Variants in RYR3 observed in about 807,000 individuals in gnomAD.
RYR3 encodes ryanodine receptor 3.
Under a neutral mutation model 584.3 loss-of-function variants are expected in RYR3, and 207 were observed. The ratio of observed to expected loss-of-function variants is 0.35; its 90% confidence interval spans 0.32 to 0.40. The LOEUF is 0.40. Ranked by LOEUF, RYR3 falls within the 10% of genes least tolerant of loss-of-function variation. RYR3 has a pLI of 1.00. For synonymous variants in RYR3, 2,416 were observed against 2,248.5 expected (o/e 1.07, Z -2.11); for missense variants, 5,616 against 6,089.2 (o/e 0.92, Z 2.59).
intron 57 of RYR3, among the ~76,000 whole-genome samples, chr15:33,751,069 CT>C (rs1349205914): frequency 6.6e-6 from 1 of 152,104 alleles, no homozygotes; most frequent in East Asian, 1.9e-4. Context: ...TGAACTCATC[CT>C]TTTTTATGGC....
intron 32 of RYR3, 82 bp downstream of exon 32, chr15:33,652,965 A>G (rs1490258470): frequency 2.9e-6 from 4 of 1,397,988 alleles, no homozygotes; most frequent in Non-Finnish European, 3.9e-6. Context: ...CGTACTCAGC[A>G]TTCCTGCCAC....
Position 33,550,359 on chromosome 15 carries a change from A to G in RYR3, c.972+43A>G, listed in dbSNP as rs535804676. 4.1e-4 allele frequency: 635 copies of G among 1,563,862 alleles called. 1 individual carries two copies. The highest frequency in any genetic ancestry group is 5.1e-4 in the Non-Finnish European group (588 of 1,154,606). ...GGACTTTGACCCTGTTCTAAAAGTG[A>G]AAACTCAGAAACCTCCAGGCAGAAC... is the stretch of plus-strand genomic sequence containing the variant. On this transcript the variant is annotated intron_variant, in intron 10 of 103. Transcript: ENST00000634891.
intron 19 of RYR3, among the ~76,000 whole-genome samples, chr15:33,615,258 C>T (rs529329402): frequency 2.6e-5 from 4 of 152,258 alleles, no homozygotes; most frequent in African/African-American, 9.6e-5. Context: ...ACAAAGAAAC[C>T]ATTTCAGGGA....
intron 102 of RYR3, among the ~76,000 whole-genome samples, chr15:33,863,410 G>T (rs1345061009): frequency 6.6e-6 from 1 of 152,050 alleles, no homozygotes; most frequent in African/African-American, 2.4e-5. Context: ...CAAGATCTGG[G>T]GCTTAGACTC....
chr15:33,676,921 A>G (rs2064219919), intron 38 of RYR3, among the ~76,000 whole-genome samples: 1 of 152,196 alleles, frequency 6.6e-6, no homozygotes, highest in African/African-American at 2.4e-5. Flanking sequence ...GTGATGGGGA[A>G]GAGAGTTTGG....
chr15:33,453,062 GGT>G (rs1491157293), intron 1 of RYR3, among the ~76,000 whole-genome samples: 1 of 151,878 alleles, frequency 6.6e-6, no homozygotes, highest in Non-Finnish European at 1.5e-5. Flanking sequence ...TTGAAACTAG[GGT>G]TTTTTTCCTT....
At chr15:33,400,364 C>G (rs1037223545) in intron 1 of RYR3, among the ~76,000 whole-genome samples, 4 of 152,170 alleles carry the variant, frequency 2.6e-5, no homozygotes, top group African/African-American at 9.6e-5. Flanking sequence ...AGATGGACTC[C>G]TTCCCCCCGC....
chr15:33,651,945 A>T (rs572888043), intron 31 of RYR3, among the ~76,000 whole-genome samples: 1 of 152,218 alleles, frequency 6.6e-6, no homozygotes, highest in Non-Finnish European at 1.5e-5. Flanking sequence ...GCCACTGCAC[A>T]TCTCCACAGC....
chr15:33,647,587 C>A, intron 30 of RYR3, 127 bp downstream of exon 30: 1 of 661,552 alleles, frequency 1.5e-6, no homozygotes, highest in Non-Finnish European at 2.7e-6. Context: ...CTTTTAATAT[C>A]CATCTTGATG....
chr15:33,767,455 C>G (rs1431302110), intron 60 of RYR3, among the ~76,000 whole-genome samples: 1 of 152,176 alleles, frequency 6.6e-6, no homozygotes, highest in African/African-American at 2.4e-5. Flanking sequence ...CACTGCAAGA[C>G]CAATTAACTA....
At chr15:33,361,409 C>T (rs1470733480) in intron 1 of RYR3, among the ~76,000 whole-genome samples, 1 of 152,126 alleles carries the variant, frequency 6.6e-6, no homozygotes, top group African/African-American at 2.4e-5. Context: ...ATGCATGGGC[C>T]GTCTCCATTT....
intron 2 of RYR3, among the ~76,000 whole-genome samples, chr15:33,484,413 A>G (rs1028295622): frequency 6.6e-6 from 1 of 152,128 alleles, no homozygotes. Context: ...TCTCTAATAG[A>G]TGGCACTACT....
rs771461103 is a variant in RYR3 at position 33,696,207 on chromosome 15, TGTC to T, written c.5861-10_5861-8del. On this transcript the variant is annotated splice_region_variant and splice_polypyrimidine_tract_variant and intron_variant, in intron 38 of 103. Transcript: ENST00000634891. ...CAGCCACAGTCCTGCTCCCTCCTGT[TGTC>T]CTTCCAGCAACATTGAAGGAACTCA... The T allele has an allele frequency of 1.8e-5, 29 of 1,611,066 alleles. No homozygotes were observed. The highest frequency in any genetic ancestry group is 2.2e-5 in the Non-Finnish European group (26 of 1,178,094).
At chr15:33,854,294 T>G in intron 96 of RYR3, 95 bp from the exon 97 acceptor site, 1 of 948,460 alleles carries the variant, frequency 1.1e-6, no homozygotes. Context: ...TTTAGGTTAT[T>G]AAACCTGAGA....
rs186573471 is a variant in RYR3, at chr15:33,682,813, A to G, written c.5860+12257A>G. On this transcript the variant is annotated intron_variant, in intron 38 of 103. Coordinates refer to ENST00000634891, the MANE Select transcript of RYR3 (RefSeq NM_001036.6). The stretch of plus-strand genomic sequence containing the variant: ...AGTGCATAAAAATCCTAGAGATGCA[A>G]CAAGGTCTGCTGAGGCGTCCTTACT... Among the ~76,000 whole-genome samples, 302 of 152,272 alleles carry G rather than the reference A, an allele frequency of 2.0e-3. 2 individuals are homozygous for G. Among genetic ancestry groups the G allele is most frequent in the African/African-American group, 6.9e-3 (285 of 41,536 alleles).
chr15:33,581,368 C>G (rs543409292), intron 13 of RYR3, 140 bp from the exon 14 acceptor site: 1 of 822,912 alleles, frequency 1.2e-6, no homozygotes, highest in African/African-American at 1.7e-5. Flanking sequence ...AAAAAACAAA[C>G]CCAACTGGCA....
At chr15:33,518,473 C>T (rs1464009550) in intron 3 of RYR3, among the ~76,000 whole-genome samples, 4 of 152,074 alleles carry the variant, frequency 2.6e-5, no homozygotes. Context: ...CCCCTCCTCT[C>T]GCAGGAGCTC....
intron 17 of RYR3, 142 bp downstream of exon 17, chr15:33,601,694 C>A: frequency 1.2e-6 from 1 of 820,454 alleles, no homozygotes. Flanking sequence ...CAAGACCAAG[C>A]AAATGTGCAT....
intron 1 of RYR3, among the ~76,000 whole-genome samples, chr15:33,462,313 G>T: frequency 6.6e-6 from 1 of 152,088 alleles, no homozygotes; most frequent in Non-Finnish European, 1.5e-5. Flanking sequence ...GCACATAAAG[G>T]ATATTCAAAG....
Sources: allele counts gnomAD v4.1 joint callset (sites outside exome capture counted in the v4.1 genomes callset), GRCh38; gene constraint gnomAD v4.1.1; transcripts MANE v1.5; gene names NCBI Gene and HGNC (gene_info 2026-07-23, HGNC 2026-07-21).